Variants in RORA observed in about 807,000 individuals in gnomAD.
RORA encodes nuclear receptor ROR-alpha.
In RORA, 7 loss-of-function variants were observed where a neutral mutation model predicts 69.5. The ratio of observed to expected loss-of-function variants is 0.10; its 90% CI spans 0.06 to 0.19. RORA has a LOEUF of 0.19. Among genes scored for constraint, RORA ranks in the 10% least tolerant of loss-of-function variants. The probability of loss-of-function intolerance (pLI) is 1.00; values close to 1 mark genes in which losing one functional copy is unlikely to be tolerated. For missense variants in RORA, 457 were observed against 663.0 expected (o/e 0.69, Z 3.41); for synonymous variants, 261 against 240.8 (o/e 1.08, Z -0.78).
In RORA at chr15:60,490,743, A is replaced by G. The variant is rs1595849927; in HGVS notation, c.*6712T>C. On this transcript the variant is annotated 3_prime_UTR_variant, in exon 11 of 11. Coordinates refer to ENST00000335670, the MANE Select transcript of RORA (RefSeq NM_134261.3). This position sits in a 1 kb window ranked among gnomAD's most constrained non-coding sequence, Gnocchi z 4.1. The stretch of plus-strand genomic sequence containing the variant: ...ACATTCAGTTATGGCTAGATTATTT[A>G]ACCTATTTTTTTTGTACTTTGGAAA... 1 of 152,192 alleles carries G rather than the reference A, an allele frequency of 6.6e-6. No individual in the cohort carries two copies. Among genetic ancestry groups the G allele is most frequent in the South Asian group, 2.1e-4 (1 of 4,834 alleles). 9.4% of individuals were successfully genotyped at this position (152,192 alleles called of 1,614,324 possible).
intron 1 of RORA, among the ~76,000 whole-genome samples, chr15:61,200,075 G>A (rs972616809): frequency 6.6e-6 from 1 of 152,220 alleles, no homozygotes; most frequent in Non-Finnish European, 1.5e-5. Flanking sequence ...AATTAGAGCA[G>A]TAAGTCAGGG....
chr15:60,809,281 G>A (rs1457947292), intron 1 of RORA, among the ~76,000 whole-genome samples: 1 of 152,186 alleles, frequency 6.6e-6, no homozygotes, highest in African/African-American at 2.4e-5. Context: ...GGTAAATTGT[G>A]TGGTACCAGT....
At chr15:60,795,122 A>G (rs1442094609) in intron 1 of RORA, among the ~76,000 whole-genome samples, 1 of 152,174 alleles carries the variant, frequency 6.6e-6, no homozygotes, top group Non-Finnish European at 1.5e-5. Context: ...CAAAATCCCC[A>G]CACACTAGAT....
At chr15:60,920,830 G>A (rs1249914566) in intron 1 of RORA, among the ~76,000 whole-genome samples, 1 of 152,034 alleles carries the variant, frequency 6.6e-6, no homozygotes, top group African/African-American at 2.4e-5. Flanking sequence ...GATGACTTTT[G>A]GTGTCCTGAA....
At chr15:60,849,145 T>C (rs971795668) in intron 1 of RORA, 4 of 152,254 alleles carry the variant, frequency 2.6e-5, no homozygotes, top group African/African-American at 9.7e-5. Flanking sequence ...TCTAATTTCT[T>C]TGTGGATTTG....
At chr15:60,731,088 T>C (rs985130917) in intron 1 of RORA, among the ~76,000 whole-genome samples, 2 of 152,302 alleles carry the variant, frequency 1.3e-5, no homozygotes, top group South Asian at 2.1e-4. Flanking sequence ...CTGTCATATA[T>C]TGAGGCTAAC....
chr15:60,973,767 G>C (rs143232461), intron 1 of RORA, among the ~76,000 whole-genome samples: 7 of 152,326 alleles, frequency 4.6e-5, no homozygotes, highest in African/African-American at 7.2e-5. Flanking sequence ...GTCTGGGAAC[G>C]GCTGGTGGCT....
At chr15:60,732,314 T>C (rs545543821) in intron 1 of RORA, among the ~76,000 whole-genome samples, 1 of 152,278 alleles carries the variant, frequency 6.6e-6, no homozygotes, top group African/African-American at 2.4e-5. Context: ...TTATATAAGA[T>C]GGAAAGGTAG....
chr15:60,666,532 CTATT>C (rs2070385151), intron 2 of RORA, among the ~76,000 whole-genome samples: 2 of 151,970 alleles, frequency 1.3e-5, no homozygotes, highest in African/African-American at 4.8e-5. Flanking sequence ...TAAACAGCAA[CTATT>C]CTGCAATACA....
chr15:60,500,016 A>C lies in RORA; in HGVS notation c.1295-12T>G. On this transcript the variant is annotated splice_polypyrimidine_tract_variant and intron_variant, in intron 9 of 10. Transcript: ENST00000335670. ...CAGCCATGAGCGATCTAAGCATAAA[A>C]AAATGATATTCTTTAGCATTCCTCT... The C allele has an allele frequency of 6.5e-7, 1 of 1,536,224 alleles. No individual in the cohort carries two copies. Among genetic ancestry groups the C allele is most frequent in the Non-Finnish European group, 9.0e-7 (1 of 1,113,390 alleles).
intron 2 of RORA, among the ~76,000 whole-genome samples, chr15:60,584,204 C>A (rs1426629447): frequency 6.6e-6 from 1 of 152,200 alleles, no homozygotes; most frequent in Non-Finnish European, 1.5e-5. Flanking sequence ...TCACCCCAGA[C>A]TGACAGAATC....
intron 1 of RORA, among the ~76,000 whole-genome samples, chr15:60,987,477 C>T (rs1322378282): frequency 6.6e-6 from 1 of 152,150 alleles, no homozygotes; most frequent in Non-Finnish European, 1.5e-5. Context: ...TCATAAAATT[C>T]TGGGTCATAG....
In RORA at chr15:60,493,949, TCACACA is replaced by T. The variant is rs71122860; in HGVS notation, c.*3500_*3505del. On this transcript the variant is annotated 3_prime_UTR_variant, in exon 11 of 11. Coordinates refer to ENST00000335670, the MANE Select transcript of RORA (RefSeq NM_134261.3). ...CGCACACACATCATACACATGCAAA[TCACACA>T]CACACACACACACACACACACACAC... is the stretch of plus-strand genomic sequence containing the variant. 0.17 allele frequency: 24,558 copies of T among 143,864 alleles called. 2,476 individuals carry two copies. Among genetic ancestry groups the T allele is most frequent in the East Asian group, 0.37 (1,827 of 4,988 alleles). 8.9% of individuals were successfully genotyped at this position (143,864 alleles called of 1,614,324 possible).
At chr15:60,592,561 G>C (rs2068561829) in intron 2 of RORA, 2 of 1,244,190 alleles carry the variant, frequency 1.6e-6, no homozygotes, top group Non-Finnish European at 2.0e-6. Context: ...AGCCATAAGA[G>C]GCTCCATGTG....
chr15:60,914,258 G>A (rs1891807553), intron 1 of RORA, among the ~76,000 whole-genome samples: 3 of 152,186 alleles, frequency 2.0e-5, no homozygotes, highest in African/African-American at 4.8e-5. Flanking sequence ...GTCAGACTGC[G>A]AGAGAAAGGG....
At chr15:60,736,677 C>A (rs4775289) in intron 1 of RORA, 43,082 of 152,054 alleles carry the variant, frequency 0.28, 8,033 homozygotes, top group Non-Finnish European at 0.41. Context: ...GTCTGCCTCG[C>A]TGTCCCCTAC....
At chr15:60,683,590 A>G (rs2070686932) in intron 1 of RORA, among the ~76,000 whole-genome samples, 1 of 151,910 alleles carries the variant, frequency 6.6e-6, no homozygotes, top group Admixed American at 6.6e-5. Flanking sequence ...TGGGCTAGAG[A>G]AAAATGGCAC....
At chr15:61,217,944 G>C (rs1041968001) in intron 1 of RORA, among the ~76,000 whole-genome samples, 1 of 151,984 alleles carries the variant, frequency 6.6e-6, no homozygotes, top group African/African-American at 2.4e-5. Flanking sequence ...GTAACACCTG[G>C]AGCTTAACAT....
chr15:60,660,520 T>C (rs930591156), intron 2 of RORA, among the ~76,000 whole-genome samples: 1 of 152,206 alleles, frequency 6.6e-6, no homozygotes, highest in African/African-American at 2.4e-5. Flanking sequence ...AGTTGTAGTT[T>C]CACCTGCACC....
Sources: gnomAD v4.1 joint callset for allele counts (sites outside exome capture counted in the v4.1 genomes callset) on GRCh38, gnomAD v4.1.1 for gene constraint, Gnocchi (gnomAD v3.1) non-coding constraint, MANE v1.5 for transcripts, NCBI Gene and HGNC (gene_info 2026-07-23, HGNC 2026-07-21) for gene names.